AGAP1: variants seen among roughly 807,000 people sequenced by gnomAD.
AGAP1 encodes the protein ArfGAP with GTPase domain, ankyrin repeat and PH domain 1.
Under a neutral mutation model 105.3 loss-of-function variants are expected in AGAP1, and 29 were observed. The ratio of observed to expected loss-of-function variants is 0.28; its 90% confidence interval spans 0.21 to 0.38. The LOEUF (loss-of-function observed/expected upper bound fraction) is 0.38. Among genes scored for constraint, AGAP1 ranks in the 10% least tolerant of loss-of-function variants. The pLI, the probability that AGAP1 is intolerant of heterozygous loss-of-function variation, is 1.00. For missense variants in AGAP1, 998 were observed against 1,165.1 expected (o/e 0.86, Z 2.09); for synonymous variants, 509 against 485.9 (o/e 1.05, Z -0.63).
chr2:235,763,124 T>C (rs945488406), intron 6 of AGAP1, among the ~76,000 whole-genome samples: 5 of 151,682 alleles, frequency 3.3e-5, no homozygotes, highest in African/African-American at 1.2e-4. Flanking sequence ...TGTGAGACTT[T>C]ATAGCATACT....
chr2:235,604,486 TA>T (rs67745854), intron 1 of AGAP1, among the ~76,000 whole-genome samples: 72 of 135,160 alleles, frequency 5.3e-4, no homozygotes, highest in Middle Eastern at 3.5e-3. Context: ...TGTATCAAAA[TA>T]AAAAAAAAAA....
chr2:235,866,288 G>C lies in AGAP1; in HGVS notation c.1051-17057G>C, dbSNP rs1163114680. 1.3e-5 allele frequency among the ~76,000 whole-genome samples: 2 copies of C among 152,168 alleles called. No individual in the cohort carries two copies. The highest frequency in any genetic ancestry group is 4.8e-5 in the African/African-American group (2 of 41,446). On this transcript the variant is annotated intron_variant, in intron 9 of 17. Transcript: ENST00000304032. The surrounding 1 kb of genome is among the most constrained non-coding windows in gnomAD (Gnocchi z 6.1). ...TAGCTACTGATGTGGGAATCTGGGA[G>C]CCCGAGCCGACTCAGACAGTCCTGA...
intron 1 of AGAP1, among the ~76,000 whole-genome samples, chr2:235,603,563 A>G (rs112147854): frequency 2.6e-4 from 39 of 152,374 alleles, no homozygotes; most frequent in African/African-American, 7.7e-4. Context: ...GAGGCAGTAT[A>G]AAAGTCAGAG....
rs1370948641 is a variant in AGAP1, at chr2:235,789,357, G to A, written c.674-8402G>A. On this transcript the variant is annotated intron_variant, in intron 6 of 17. Transcript: ENST00000304032. The surrounding 1 kb of genome is among the most constrained non-coding windows in gnomAD (Gnocchi z 4.2). The stretch of plus-strand genomic sequence containing the variant: ...CTGAAGGTAACTGTTTATTACAGTC[G>A]GCATTTAAATCCCCCGATTAATAGG... 2.0e-5 allele frequency among the ~76,000 whole-genome samples: 3 copies of A among 152,006 alleles called. No homozygotes were observed. The highest frequency in any genetic ancestry group is 6.5e-5 in the Admixed American group (1 of 15,268).
rs769375131 is a variant in AGAP1, at chr2:235,824,901, G to A, written c.1050+17570G>A. Among the ~76,000 whole-genome samples the A allele has an allele frequency of 1.8e-4, 27 of 152,100 alleles. No individual in the cohort carries two copies. The highest frequency in any genetic ancestry group is 2.5e-4 in the Non-Finnish European group (17 of 68,006). ...AGGAAAGCATGTTTTTATGTCTCAC[G>A]TTTACAGGCGCTTTTCTGATTTTTC... On this transcript the variant is annotated intron_variant, in intron 9 of 17. Transcript: ENST00000304032. This position sits in a 1 kb window ranked among gnomAD's most constrained non-coding sequence, Gnocchi z 5.2.
intron 11 of AGAP1, among the ~76,000 whole-genome samples, chr2:235,913,302 G>A (rs1356248394): frequency 1.3e-5 from 2 of 151,998 alleles, no homozygotes; most frequent in African/African-American, 4.8e-5. Flanking sequence ...ATATATCTGT[G>A]TGTATGTGTG....
chr2:235,809,609 C>T (rs1015767728), intron 9 of AGAP1, among the ~76,000 whole-genome samples: 8 of 152,280 alleles, frequency 5.3e-5, no homozygotes, highest in South Asian at 2.1e-4. Context: ...ATTTTTAAAT[C>T]GGGGCACCCT....
At chr2:235,944,250 A>C (rs753984391) in intron 12 of AGAP1, among the ~76,000 whole-genome samples, 3 of 152,226 alleles carry the variant, frequency 2.0e-5, no homozygotes, top group Non-Finnish European at 4.4e-5. Flanking sequence ...CGATAAATAC[A>C]TCACACTATT....
At position 235,747,839 on chromosome 2, in the gene AGAP1, A is replaced by G. The variant is rs576782370; in HGVS notation, c.539-2515A>G. Among the ~76,000 whole-genome samples the G allele has an allele frequency of 4.1e-4, 63 of 152,324 alleles. No homozygotes were observed. Among genetic ancestry groups the G allele is most frequent in the Non-Finnish European group, 8.1e-4 (55 of 68,020 alleles). ...ATTTCTCTTCCTGCTGCTTTGGGGT[A>G]GGCAGCGTTAGAGGTCAGAGCATAT... On this transcript the variant is annotated intron_variant, in intron 5 of 17. Coordinates refer to ENST00000304032, the MANE Select transcript of AGAP1 (RefSeq NM_001037131.3). This position sits in a 1 kb window ranked among gnomAD's most constrained non-coding sequence, Gnocchi z 5.0.
intron 1 of AGAP1, among the ~76,000 whole-genome samples, chr2:235,567,020 G>C (rs376008219): frequency 4.6e-5 from 7 of 152,090 alleles, no homozygotes; most frequent in African/African-American, 1.7e-4. Flanking sequence ...CCCTCTTCCC[G>C]GCATGTGTCT....
chr2:236,094,255 G>C (rs1362439745), intron 16 of AGAP1, among the ~76,000 whole-genome samples: 1 of 151,068 alleles, frequency 6.6e-6, no homozygotes, highest in Admixed American at 6.6e-5. Flanking sequence ...AGGATTTCCA[G>C]GTCAGCCTGG....
intron 12 of AGAP1, among the ~76,000 whole-genome samples, chr2:235,950,567 A>G (rs1338122716): frequency 6.6e-6 from 1 of 151,386 alleles, no homozygotes; most frequent in East Asian, 2.0e-4. Context: ...TTTTAACCTC[A>G]CCCCAGGGGA....
In AGAP1 at chr2:235,599,344, T is replaced by A. The variant is rs888014468; in HGVS notation, c.163+104495T>A. ...CTGCCCCAATTTTGCCCAGGAGGAGTCTGGTGATGGAGAAGGTGTGGCGGG... is the reference window on the plus strand; with the variant it reads ...CTGCCCCAATTTTGCCCAGGAGGAGACTGGTGATGGAGAAGGTGTGGCGGG... On this transcript the variant is annotated intron_variant, in intron 1 of 17. Transcript: ENST00000304032. The surrounding 1 kb of genome is among the most constrained non-coding windows in gnomAD (Gnocchi z 5.3). 9.9e-5 allele frequency among the ~76,000 whole-genome samples: 15 copies of A among 151,162 alleles called. No individual in the cohort carries two copies. The highest frequency in any genetic ancestry group is 3.6e-4 in the African/African-American group (15 of 41,124).
intron 1 of AGAP1, among the ~76,000 whole-genome samples, chr2:235,546,694 C>G (rs531352046): frequency 6.6e-6 from 1 of 152,180 alleles, no homozygotes; most frequent in South Asian, 2.1e-4. Flanking sequence ...TGTCTTCTCA[C>G]CGGCCGGTTT....
intron 13 of AGAP1, among the ~76,000 whole-genome samples, chr2:236,004,251 C>T (rs1052764741): frequency 9.2e-5 from 14 of 152,108 alleles, no homozygotes; most frequent in Non-Finnish European, 1.8e-4. Context: ...AGATGTGCCT[C>T]GGTGAATTTC....
At chr2:235,643,457 A>AAAAAAAAG (rs1553595203) in intron 1 of AGAP1, among the ~76,000 whole-genome samples, 116 of 140,400 alleles carry the variant, frequency 8.3e-4, no homozygotes, top group African/African-American at 2.9e-3. Flanking sequence ...AAAAAAAAAA[A>AAAAAAAAG]AAAGAAAGAA....
At chr2:235,772,712 GTTCA>G (rs1021540440) in intron 6 of AGAP1, among the ~76,000 whole-genome samples, 16 of 152,244 alleles carry the variant, frequency 1.1e-4, no homozygotes, top group African/African-American at 3.6e-4. Context: ...AAGGCAGAGA[GTTCA>G]TTGTCACAGG....
At chr2:235,773,928 ACAAT>A (rs1421963867) in intron 6 of AGAP1, 3 of 466,382 alleles carry the variant, frequency 6.4e-6, no homozygotes, top group African/African-American at 4.0e-5. Flanking sequence ...ACGTTTGAAG[ACAAT>A]CAACTCTTCA....
intron 1 of AGAP1, among the ~76,000 whole-genome samples, chr2:235,573,087 T>TC (rs1944623482): frequency 7.3e-6 from 1 of 137,646 alleles, no homozygotes; most frequent in African/African-American, 3.0e-5. Flanking sequence ...TCTTCTTTCT[T>TC]CTTTCTTCTT....
Sources: gnomAD v4.1 joint callset for allele counts (sites outside exome capture counted in the v4.1 genomes callset) on GRCh38, gnomAD v4.1.1 for gene constraint, Gnocchi (gnomAD v3.1) non-coding constraint, MANE v1.5 for transcripts, NCBI Gene and HGNC (gene_info 2026-07-23, HGNC 2026-07-21) for gene names.